Variants in UST observed in about 807,000 individuals in gnomAD.
The protein encoded by UST is chondroitin sulfate 2-O-sulfotransferase.
Under a neutral mutation model 45.6 loss-of-function variants are expected in UST, and 21 were observed. The observed-to-expected ratio is 0.46, with a 90% CI of 0.33 to 0.66. The LOEUF (loss-of-function observed/expected upper bound fraction) is 0.66. Ranked by LOEUF, UST falls within the 30% of genes least tolerant of loss-of-function variation. UST has a pLI of 0.02. For missense variants in UST, 463 were observed against 512.4 expected (o/e 0.90, Z 0.93); for synonymous variants, 215 against 200.6 (o/e 1.07, Z -0.61).
At chr6:148,975,364 G>T (rs1345326605) in intron 5 of UST, among the ~76,000 whole-genome samples, 1 of 152,174 alleles carries the variant, frequency 6.6e-6, no homozygotes, top group African/African-American at 2.4e-5. Flanking sequence ...AATAACAGAT[G>T]CGAGGATGTG....
rs1329444342 is a variant in UST, at chr6:148,899,666, C to T, written c.291+12637C>T. Among the ~76,000 whole-genome samples the T allele has an allele frequency of 2.0e-5, 3 of 152,352 alleles. No individual in the cohort carries two copies. The East Asian group carries it at 5.8e-4, about 29-fold the overall frequency. On this transcript the variant is annotated intron_variant, in intron 2 of 7. Transcript: ENST00000367463. ...CAGTCCTTGTATGTTTAATCAAAGTCGTGCATGCACGTAACACACAGAGTT... is the reference window on the plus strand; with the variant it reads ...CAGTCCTTGTATGTTTAATCAAAGTTGTGCATGCACGTAACACACAGAGTT...
chr6:148,846,432 C>T (rs1197863115), intron 1 of UST, among the ~76,000 whole-genome samples: 1 of 151,668 alleles, frequency 6.6e-6, no homozygotes, highest in Non-Finnish European at 1.5e-5. Context: ...GAACATCACA[C>T]TCTGGGGACT....
At chr6:148,991,187 CA>C in intron 5 of UST, among the ~76,000 whole-genome samples, 1 of 152,250 alleles carries the variant, frequency 6.6e-6, no homozygotes, top group Admixed American at 6.5e-5. Context: ...CAGATCCCCA[CA>C]AAAAGTTCAT....
Position 148,990,309 on chromosome 6 carries a change from A to T in UST, c.681+25746A>T, listed in dbSNP as rs1289942592. 7 of 786,720 alleles carry T rather than the reference A, an allele frequency of 8.9e-6. No homozygotes were observed. The East Asian group carries it at 8.9e-4, about 100-fold the overall frequency. 48.7% of individuals were successfully genotyped at this position (786,720 alleles called of 1,614,324 possible). A position where few individuals can be genotyped will look rare whatever the true frequency, so the allele number is the denominator to read the frequency against. On this transcript the variant is annotated intron_variant, in intron 5 of 7. Coordinates refer to ENST00000367463, the MANE Select transcript of UST (RefSeq NM_005715.3). ...TAAACAGGAACTGGTTTTATAATAG[A>T]AGTATTTGAAGACAAAGAATAAGAT...
intron 5 of UST, among the ~76,000 whole-genome samples, chr6:149,013,513 C>T (rs146152707): frequency 0.016 from 2,334 of 149,826 alleles, 29 homozygotes; most frequent in Middle Eastern, 0.027. Context: ...GCAACAAGAG[C>T]GAAACTCTGT....
At chr6:148,863,321 T>G (rs1263635611) in intron 1 of UST, among the ~76,000 whole-genome samples, 2 of 152,240 alleles carry the variant, frequency 1.3e-5, no homozygotes, top group Non-Finnish European at 2.9e-5. Flanking sequence ...CATCACGTAG[T>G]TCTCATGCCA....
intron 1 of UST, among the ~76,000 whole-genome samples, chr6:148,829,940 C>T (rs1176114503): frequency 6.6e-6 from 1 of 152,180 alleles, no homozygotes; most frequent in African/African-American, 2.4e-5. Flanking sequence ...GTTAGTAGCA[C>T]AGGAAAAGAC....
chr6:149,033,665 C>G (rs6930963), intron 7 of UST, among the ~76,000 whole-genome samples: 55,630 of 152,018 alleles, frequency 0.37, 10,792 homozygotes, highest in Non-Finnish European at 0.44. Flanking sequence ...GGTAGTTTCA[C>G]TTGACTTGAA....
chr6:148,908,580 A>T lies in UST; in HGVS notation c.291+21551A>T, dbSNP rs150391421. 7.2e-4 allele frequency among the ~76,000 whole-genome samples: 109 copies of T among 152,362 alleles called. 2 individuals carry two copies. In the East Asian group the frequency reaches 0.019, roughly 26 times the overall value. Reference sequence around the variant, plus strand: ...TTTTTCTTTGCCATTTAATTGTAATACAGGGCTTCTATATTTTGAATGTGT... The same window carrying T: ...TTTTTCTTTGCCATTTAATTGTAATTCAGGGCTTCTATATTTTGAATGTGT... On this transcript the variant is annotated intron_variant, in intron 2 of 7. Coordinates refer to ENST00000367463, the MANE Select transcript of UST (RefSeq NM_005715.3).
At chr6:148,961,202 T>C (rs1393958326) in intron 4 of UST, among the ~76,000 whole-genome samples, 2 of 152,196 alleles carry the variant, frequency 1.3e-5, no homozygotes, top group African/African-American at 2.4e-5. Context: ...AGTCGGGGAA[T>C]AGGATCTGTC....
chr6:148,897,207 G>A (rs1446768241), intron 2 of UST, among the ~76,000 whole-genome samples: 15 of 152,024 alleles, frequency 9.9e-5, no homozygotes, highest in South Asian at 6.3e-4. Context: ...TCACACTGTC[G>A]TCCAGGCTGG....
intron 1 of UST, among the ~76,000 whole-genome samples, chr6:148,866,121 A>T (rs868166234): frequency 6.6e-6 from 1 of 151,814 alleles, no homozygotes; most frequent in African/African-American, 2.4e-5. Flanking sequence ...CCATGACAAT[A>T]TTGATTATTT....
Position 148,934,807 on chromosome 6 carries a change from T to C in UST, c.292-6472T>C, listed in dbSNP as rs927452880. On this transcript the variant is annotated intron_variant, in intron 2 of 7. Transcript: ENST00000367463. This position sits in a 1 kb window ranked among gnomAD's most constrained non-coding sequence, Gnocchi z 4.1. ...TCCTGACTCTCATCCTAGACTGTGA[T>C]TCAGTTCGTCTTAGAGTGTGGCCCA... 6.6e-6 allele frequency among the ~76,000 whole-genome samples: 1 copy of C among 151,898 alleles called. No individual in the cohort carries two copies.
chr6:148,996,964 A>G (rs778308406), intron 5 of UST, among the ~76,000 whole-genome samples: 13 of 152,032 alleles, frequency 8.6e-5, no homozygotes, highest in Non-Finnish European at 1.5e-4. Flanking sequence ...GTATATGTGG[A>G]GGTTTGTTGC....
chr6:149,000,293 A>T (rs1397615225), intron 5 of UST, among the ~76,000 whole-genome samples: 2 of 152,258 alleles, frequency 1.3e-5, no homozygotes, highest in African/African-American at 4.8e-5. Flanking sequence ...GTAAGAAGTG[A>T]ACCAAACTAT....
At chr6:148,783,431 CAG>C (rs1776680489) in intron 1 of UST, among the ~76,000 whole-genome samples, 1 of 152,192 alleles carries the variant, frequency 6.6e-6, no homozygotes, top group African/African-American at 2.4e-5. Flanking sequence ...CATTGACTAA[CAG>C]AGCTCAAGTT....
intron 1 of UST, among the ~76,000 whole-genome samples, chr6:148,759,432 C>A (rs193027826): frequency 3.9e-4 from 59 of 151,804 alleles, no homozygotes; most frequent in African/African-American, 1.3e-3. Flanking sequence ...GAGGCTGAGG[C>A]AGGAGAATGT....
At chr6:148,771,249 G>T (rs1250428012) in intron 1 of UST, among the ~76,000 whole-genome samples, 2 of 152,178 alleles carry the variant, frequency 1.3e-5, no homozygotes, top group East Asian at 1.9e-4. Context: ...GTTTGGAAAT[G>T]ACTCTTTATT....
At chr6:148,779,296 G>A (rs909980679) in intron 1 of UST, among the ~76,000 whole-genome samples, 13 of 152,136 alleles carry the variant, frequency 8.5e-5, no homozygotes, top group Non-Finnish European at 4.4e-5. Flanking sequence ...GAAGCATTAC[G>A]TAACATTAAA....
Sources: allele counts gnomAD v4.1 joint callset (sites outside exome capture counted in the v4.1 genomes callset), GRCh38; gene constraint gnomAD v4.1.1; non-coding constraint Gnocchi (gnomAD v3.1); transcripts MANE v1.5; gene names NCBI Gene and HGNC (gene_info 2026-07-23, HGNC 2026-07-21).